ITPR2: variants seen among roughly 807,000 people sequenced by gnomAD.
ITPR2 encodes inositol 1,4,5-trisphosphate-gated calcium channel ITPR2.
ITPR2 carries 207 observed loss-of-function variants against 317.1 expected under a neutral mutation model. The observed-to-expected ratio is 0.65, with a 90% confidence interval of 0.58 to 0.73. The LOEUF (loss-of-function observed/expected upper bound fraction) is 0.73. Among genes scored for constraint, ITPR2 ranks in the 30% least tolerant of loss-of-function variants. The probability of loss-of-function intolerance (pLI) is 0.00; values close to 1 mark genes in which losing one functional copy is unlikely to be tolerated. For synonymous variants in ITPR2, 1,156 were observed against 1,149.1 expected, an observed-to-expected ratio of 1.01 and a Z score of -0.12; for missense variants, 2,613 against 3,284.0, an observed-to-expected ratio of 0.80 and a Z score of 4.99.
chr12:26,551,620 A>G (rs1944526836), intron 36 of ITPR2, among the ~76,000 whole-genome samples: 1 of 152,226 alleles, frequency 6.6e-6, no homozygotes, highest in Non-Finnish European at 1.5e-5. Context: ...CCAGACATGA[A>G]ACCACTTCAT....
intron 1 of ITPR2, among the ~76,000 whole-genome samples, chr12:26,811,049 A>C (rs868695917): frequency 2.5e-5 from 3 of 122,346 alleles, no homozygotes; most frequent in African/African-American, 7.6e-5. Flanking sequence ...AAAAAAAAAA[A>C]AAAAAAAAAA....
At chr12:26,775,316 A>G (rs1359198193) in intron 2 of ITPR2, among the ~76,000 whole-genome samples, 1 of 152,208 alleles carries the variant, frequency 6.6e-6, no homozygotes, top group Non-Finnish European at 1.5e-5. Flanking sequence ...GATTTAAAAA[A>G]AAAAGAAAAA....
chr12:26,784,476 G>A (rs1046192666), intron 2 of ITPR2, among the ~76,000 whole-genome samples: 1 of 150,562 alleles, frequency 6.6e-6, no homozygotes, highest in Non-Finnish European at 1.5e-5. Flanking sequence ...TCAGCCTGCC[G>A]GGTGCCTGCG....
chr12:26,384,946 CT>C (rs1424067124), intron 55 of ITPR2, among the ~76,000 whole-genome samples: 3 of 152,194 alleles, frequency 2.0e-5, no homozygotes, highest in African/African-American at 7.2e-5. Flanking sequence ...CCCCACCATT[CT>C]CTAATCTGAC....
At chr12:26,636,780 T>C (rs1591985304) in intron 21 of ITPR2, among the ~76,000 whole-genome samples, 1 of 152,298 alleles carries the variant, frequency 6.6e-6, no homozygotes, top group East Asian at 1.9e-4. Flanking sequence ...ACAGGCCACA[T>C]ATACCCTTCA....
intron 34 of ITPR2, among the ~76,000 whole-genome samples, chr12:26,570,290 G>A (rs541848943): frequency 1.3e-5 from 2 of 152,276 alleles, no homozygotes; most frequent in East Asian, 3.9e-4. Context: ...TTCAGATAAT[G>A]AGGAATCATT....
Position 26,691,191 on chromosome 12 carries a change from A to T in ITPR2, c.996+4415T>A, listed in dbSNP as rs147800176. On this transcript the variant is annotated intron_variant, in intron 10 of 56. Transcript: ENST00000381340. The stretch of plus-strand genomic sequence containing the variant: ...AATGACATCTGAATAACGTGTGATA[A>T]GTATACAATTTTTAATGTATGATTC... Among the ~76,000 whole-genome samples the T allele has an allele frequency of 1.4e-4, 21 of 152,332 alleles. 2 individuals are homozygous for T. The East Asian group carries it at 3.1e-3, about 22-fold the overall frequency.
chr12:26,387,363 T>C, intron 55 of ITPR2, 71 bp downstream of exon 55: 7 of 1,391,228 alleles, frequency 5.0e-6, no homozygotes, highest in Non-Finnish European at 7.0e-6. Context: ...TTTGGGAGGA[T>C]GGTAGGGTAG....
chr12:26,436,335 G>A lies in ITPR2; in HGVS notation c.6655C>T (p.Leu2219=). The A allele has an allele frequency of 6.2e-7, 1 of 1,607,876 alleles. No homozygotes were observed. The highest frequency in any genetic ancestry group is 1.3e-5 in the African/African-American group (1 of 74,658). The change falls in exon 48 of 57, where the codon CTG becomes TTG. Residue 2219 remains leucine, a synonymous_variant. Transcript: ENST00000381340. ...GAGATGTGCCTCGAGAACCAGAACA[G>A]TGCAGGGTTATCTAGGAAGTGAGAA... ...WQKKIRNNPA[L]FWFSRHISLW...
chr12:26,342,734 C>T (rs571931862), intron 55 of ITPR2, among the ~76,000 whole-genome samples: 61 of 152,218 alleles, frequency 4.0e-4, no homozygotes, highest in African/African-American at 1.4e-3. Context: ...CTCAGCCTCC[C>T]GAGTAGCTGG....
chr12:26,624,371 G>T lies in ITPR2; in HGVS notation c.3065-15C>A. On this transcript the variant is annotated splice_polypyrimidine_tract_variant and intron_variant, in intron 23 of 56. Transcript: ENST00000381340. The stretch of plus-strand genomic sequence containing the variant: ...AGGAACAATAGCTGCAAAGATAAAT[G>T]GTAAAATCTCTTCTTTATCCTATTT... 1 of 1,581,302 alleles carries T rather than the reference G, an allele frequency of 6.3e-7. No individual in the cohort carries two copies. The highest frequency in any genetic ancestry group is 2.3e-5 in the East Asian group (1 of 44,434).
chr12:26,356,329 T>C (rs1938636998), intron 55 of ITPR2, among the ~76,000 whole-genome samples: 1 of 152,178 alleles, frequency 6.6e-6, no homozygotes, highest in Admixed American at 6.5e-5. Flanking sequence ...AAGCAGATGT[T>C]ACATGGTGAG....
chr12:26,391,430 C>T (rs1198157442), intron 54 of ITPR2, among the ~76,000 whole-genome samples: 2 of 151,788 alleles, frequency 1.3e-5, no homozygotes, highest in Non-Finnish European at 2.9e-5. Context: ...TCTGGTGTGG[C>T]AGAAAGGGAA....
At chr12:26,692,435 C>T (rs1592043584) in intron 10 of ITPR2, among the ~76,000 whole-genome samples, 1 of 152,262 alleles carries the variant, frequency 6.6e-6, no homozygotes, top group East Asian at 1.9e-4. Context: ...AACAGACATT[C>T]CCAAGAAAAA....
At chr12:26,779,026 A>G (rs572193215) in intron 2 of ITPR2, among the ~76,000 whole-genome samples, 1 of 152,292 alleles carries the variant, frequency 6.6e-6, no homozygotes, top group Admixed American at 6.5e-5. Context: ...TGACCCGAAA[A>G]GCTGCCAGTT....
intron 37 of ITPR2, among the ~76,000 whole-genome samples, chr12:26,504,395 T>C (rs1456201341): frequency 6.6e-6 from 1 of 152,132 alleles, no homozygotes; most frequent in Non-Finnish European, 1.5e-5. Context: ...TACATGACTA[T>C]ACAAAGAGTG....
chr12:26,417,046 A>C (rs912960371), intron 50 of ITPR2, among the ~76,000 whole-genome samples: 1 of 152,200 alleles, frequency 6.6e-6, no homozygotes, highest in Non-Finnish European at 1.5e-5. Flanking sequence ...TGAAAACAAA[A>C]TCTAGAGTGT....
At chr12:26,444,647 T>C (rs1941565522) in intron 45 of ITPR2, among the ~76,000 whole-genome samples, 2 of 152,088 alleles carry the variant, frequency 1.3e-5, no homozygotes, top group African/African-American at 2.4e-5. Context: ...AGCTAGAAAA[T>C]GGTAGAGCCA....
chr12:26,443,275 ATGAT>A (rs1055013964), intron 46 of ITPR2, among the ~76,000 whole-genome samples: 10 of 152,140 alleles, frequency 6.6e-5, no homozygotes, highest in African/African-American at 2.2e-4. Context: ...TTGCTCTGCA[ATGAT>A]TGATTGCTTC....
Sources: gnomAD v4.1 joint callset for allele counts (sites outside exome capture counted in the v4.1 genomes callset) on GRCh38, gnomAD v4.1.1 for gene constraint, MANE v1.5 for transcripts, NCBI Gene and HGNC (gene_info 2026-07-23, HGNC 2026-07-21) for gene names.